RASGEF1A: variants seen among roughly 807,000 people sequenced by gnomAD.
RASGEF1A encodes RasGEF domain family member 1A.
Under a neutral mutation model 56.4 loss-of-function variants are expected in RASGEF1A, and 18 were observed. The ratio of observed to expected loss-of-function variants is 0.32; its 90% CI spans 0.22 to 0.47. The LOEUF is 0.47. RASGEF1A is among the 20% of genes least tolerant of loss of function. RASGEF1A has a pLI of 1.00. For synonymous variants in RASGEF1A, 245 were observed against 242.6 expected, an observed-to-expected ratio of 1.01 and a Z score of -0.09; for missense variants, 422 against 627.1, an observed-to-expected ratio of 0.67 and a Z score of 3.49.
At chr10:43,209,487 A>T (rs1019820686) in intron 1 of RASGEF1A, among the ~76,000 whole-genome samples, 1 of 152,188 alleles carries the variant, frequency 6.6e-6, no homozygotes, top group African/African-American at 2.4e-5. Flanking sequence ...GGGCACAGGG[A>T]GCACTACTTC....
At chr10:43,202,499 G>A (rs1458410432) in intron 3 of RASGEF1A, among the ~76,000 whole-genome samples, 1 of 152,000 alleles carries the variant, frequency 6.6e-6, no homozygotes, top group East Asian at 1.9e-4. Flanking sequence ...CTCTGCCCCC[G>A]GGGAGAGGGG....
intron 1 of RASGEF1A, among the ~76,000 whole-genome samples, chr10:43,252,001 C>T (rs1322618742): frequency 6.6e-6 from 1 of 152,210 alleles, no homozygotes; most frequent in Non-Finnish European, 1.5e-5. Flanking sequence ...TAGCGGCACC[C>T]TGAGGACACA....
At chr10:43,207,770 T>TACA in intron 1 of RASGEF1A, 1 of 924,802 alleles carries the variant, frequency 1.1e-6, no homozygotes, top group Non-Finnish European at 1.3e-6. Flanking sequence ...AACTCTGGGG[T>TACA]GGACTGCTTC....
intron 1 of RASGEF1A, among the ~76,000 whole-genome samples, chr10:43,216,289 C>T (rs967421152): frequency 6.6e-6 from 1 of 152,192 alleles, no homozygotes; most frequent in Admixed American, 6.5e-5. Flanking sequence ...GGCCGCCTGC[C>T]CCACTCTGTG....
At chr10:43,255,738 C>A (rs1840680590) in intron 1 of RASGEF1A, among the ~76,000 whole-genome samples, 1 of 152,188 alleles carries the variant, frequency 6.6e-6, no homozygotes, top group Non-Finnish European at 1.5e-5. Flanking sequence ...AACCCTGGAG[C>A]CAGGGCTGGG....
intron 1 of RASGEF1A, among the ~76,000 whole-genome samples, chr10:43,240,609 G>A (rs1206357939): frequency 1.3e-5 from 2 of 152,068 alleles, no homozygotes; most frequent in Non-Finnish European, 2.9e-5. Context: ...CTCAACAACA[G>A]GTTTGAACAG....
intron 1 of RASGEF1A, among the ~76,000 whole-genome samples, chr10:43,266,072 G>A (rs890344773): frequency 4.6e-5 from 7 of 152,166 alleles, no homozygotes; most frequent in African/African-American, 9.6e-5. Context: ...GGCAGGCAGC[G>A]GCCTCTCTGT....
chr10:43,214,531 T>G (rs1339722378), intron 1 of RASGEF1A, among the ~76,000 whole-genome samples: 1 of 152,090 alleles, frequency 6.6e-6, no homozygotes, highest in East Asian at 1.9e-4. Context: ...GGTGGCCCTA[T>G]GGGGTAACTG....
intron 1 of RASGEF1A, among the ~76,000 whole-genome samples, chr10:43,245,474 GA>G (rs1318155146): frequency 6.6e-6 from 1 of 151,818 alleles, no homozygotes; most frequent in Non-Finnish European, 1.5e-5. Context: ...AAATCACAAG[GA>G]AAAAAACTAT....
chr10:43,237,741 T>G (rs1431163119), intron 1 of RASGEF1A, among the ~76,000 whole-genome samples: 1 of 151,660 alleles, frequency 6.6e-6, no homozygotes, highest in Non-Finnish European at 1.5e-5. Context: ...CTCCCCAAAC[T>G]CAGCTGCTAC....
chr10:43,207,209 G>A, intron 1 of RASGEF1A: 1 of 985,528 alleles, frequency 1.0e-6, no homozygotes, highest in Non-Finnish European at 1.2e-6. Context: ...AGGCAGCACA[G>A]GTGCCAGCGG....
At chr10:43,199,649 C>T (rs1469385600) in intron 7 of RASGEF1A, 27 bp downstream of exon 7, 3 of 1,575,982 alleles carry the variant, frequency 1.9e-6, no homozygotes, top group Non-Finnish European at 2.6e-6. Flanking sequence ...TGGCAGCCAC[C>T]CCACCATGTC....
At chr10:43,232,608 T>A (rs555019743) in intron 1 of RASGEF1A, among the ~76,000 whole-genome samples, 1 of 151,036 alleles carries the variant, frequency 6.6e-6, no homozygotes, top group East Asian at 2.0e-4. Flanking sequence ...TGCCTCAGCC[T>A]CTCAAGTAGC....
chr10:43,206,960 C>T, intron 1 of RASGEF1A: 1 of 985,484 alleles, frequency 1.0e-6, no homozygotes. Flanking sequence ...CACAGCATGG[C>T]CCGCTGTGAT....
rs1297613852 is a variant in RASGEF1A at position 43,266,738 on chromosome 10, C to A, written c.-7+107G>T. 2.7e-5 allele frequency: 4 copies of A among 145,786 alleles called. No homozygotes were observed. The South Asian group carries it at 6.1e-4, about 22-fold the overall frequency. The allele number at this position is 145,786 out of a possible 1,614,324, so 9.0% of individuals were successfully genotyped here. A position where few individuals can be genotyped will look rare whatever the true frequency, so the allele number is the denominator to read the frequency against. ...CCCACGACGGCCGCGCCGGGAGGGA[C>A]CCCGGGCCCGCGCACGCCGCGCCCT... On this transcript the variant is annotated intron_variant, in intron 1 of 12. Transcript: ENST00000395810.
Position 43,196,129 on chromosome 10 carries a change from G to T in RASGEF1A, c.*115C>A. On this transcript the variant is annotated 3_prime_UTR_variant, in exon 13 of 13. Transcript: ENST00000395810. The surrounding 1 kb of genome is among the most constrained non-coding windows in gnomAD (Gnocchi z 4.6). ...TAATTACCATTTTTTTCTCATAAAAGTTATATACAAAATGGACCCCAACCA... is the reference window on the plus strand; with the variant it reads ...TAATTACCATTTTTTTCTCATAAAATTTATATACAAAATGGACCCCAACCA... The T allele has an allele frequency of 1.0e-6, 1 of 969,222 alleles. No homozygotes were observed. Among genetic ancestry groups the T allele is most frequent in the Non-Finnish European group, 1.6e-6 (1 of 644,018 alleles). 60.0% of individuals were successfully genotyped at this position (969,222 alleles called of 1,614,324 possible). A position where few individuals can be genotyped will look rare whatever the true frequency, so the allele number is the denominator to read the frequency against.
Position 43,205,916 on chromosome 10 carries a change from C to T in RASGEF1A, c.198+3G>A. 6.2e-7 allele frequency: 1 copy of T among 1,609,678 alleles called. No homozygotes were observed. Among genetic ancestry groups the T allele is most frequent in the East Asian group, 2.2e-5 (1 of 44,830 alleles). ...CTCACTCCACAAGGCCCCACGTACT[C>T]ACATCGGGGTAATAGTCCACCGTGG... On this transcript the variant is annotated splice_donor_region_variant and intron_variant, in intron 2 of 12. Transcript: ENST00000395810.
chr10:43,227,268 C>T (rs1012231851), intron 1 of RASGEF1A, among the ~76,000 whole-genome samples: 7 of 152,172 alleles, frequency 4.6e-5, no homozygotes, highest in Non-Finnish European at 1.0e-4. Context: ...ACTCTCTCCC[C>T]CAGGCAGCCC....
chr10:43,221,667 C>T (rs774661722), intron 1 of RASGEF1A, among the ~76,000 whole-genome samples: 5 of 152,250 alleles, frequency 3.3e-5, no homozygotes, highest in Admixed American at 6.5e-5. Context: ...AGGCTGCAAG[C>T]GCAGGGCAGC....
Sources: allele counts gnomAD v4.1 joint callset (sites outside exome capture counted in the v4.1 genomes callset), GRCh38; gene constraint gnomAD v4.1.1; non-coding constraint Gnocchi (gnomAD v3.1); transcripts MANE v1.5; gene names NCBI Gene and HGNC (gene_info 2026-07-23, HGNC 2026-07-21).